Variants in ZNF667 observed in about 807,000 individuals in gnomAD.
ZNF667 encodes myocardial ischemic preconditioning upregulated 1 ortholog.
A neutral mutation model predicts 31.8 loss-of-function variants in ZNF667; 13 were observed. The ratio of observed to expected loss-of-function variants is 0.41; its 90% CI spans 0.27 to 0.65. The LOEUF is 0.65. Among genes scored for constraint, ZNF667 ranks in the 30% least tolerant of loss-of-function variants. ZNF667 has a pLI of 0.32. For synonymous variants in ZNF667, 228 were observed against 247.1 expected, an observed-to-expected ratio of 0.92 and a Z score of 0.73; for missense variants, 642 against 725.6, an observed-to-expected ratio of 0.88 and a Z score of 1.32.
At chr19:56,443,590 A>G (rs2042662863) in intron 6 of ZNF667, among the ~76,000 whole-genome samples, 2 of 152,200 alleles carry the variant, frequency 1.3e-5, no homozygotes, top group Non-Finnish European at 2.9e-5. Context: ...ATAAATGTAG[A>G]AAAGGTACAG....
chr19:56,467,575 A>G (rs1216982021), intron 3 of ZNF667: 2 of 152,288 alleles, frequency 1.3e-5, no homozygotes, highest in Non-Finnish European at 2.9e-5. Context: ...TCAGCCCCCA[A>G]GACTGCCCCA....
At chr19:56,466,392 G>C (rs754639146) in intron 3 of ZNF667, among the ~76,000 whole-genome samples, 3 of 152,098 alleles carry the variant, frequency 2.0e-5, no homozygotes, top group African/African-American at 7.2e-5. Flanking sequence ...AGGATCCAGC[G>C]AACAGTCATT....
chr19:56,463,949 T>C (rs1482524427), intron 3 of ZNF667, among the ~76,000 whole-genome samples: 2 of 152,182 alleles, frequency 1.3e-5, no homozygotes, highest in Non-Finnish European at 2.9e-5. Flanking sequence ...CTCAATTTGG[T>C]TACCGTAAAA....
intron 4 of ZNF667, among the ~76,000 whole-genome samples, chr19:56,461,510 T>A (rs2043044367): frequency 6.6e-6 from 1 of 152,152 alleles, no homozygotes; most frequent in African/African-American, 2.4e-5. Context: ...GAGCCCCAAA[T>A]GAGAACACAG....
At chr19:56,477,222 C>G (rs1188569178) in intron 1 of ZNF667, 50 bp downstream of exon 1, 2 of 152,136 alleles carry the variant, frequency 1.3e-5, no homozygotes, top group East Asian at 1.9e-4. Context: ...CAGTGGCGGG[C>G]GCGCCGCCCA....
In ZNF667 at chr19:56,441,298, C is replaced by T. The variant is rs1431287202; in HGVS notation, c.1697G>A (p.Ser566Asn). The change falls in exon 7 of 7, where the codon AGT (serine) becomes AAT (asparagine). Residue 566 changes from serine to asparagine, a missense_variant. Physicochemically the swap from Ser to Asn is conservative, Grantham distance 46. Transcript: ENST00000504904. The surrounding 1 kb of genome is among the most constrained non-coding windows in gnomAD (Gnocchi z 4.2). ...CTGATGTCGAATAAGGTCTGAGCCA[C>T]TGCTAAATGCCTTCCCACATTCATT... ...ECNECGKAFS[S>N]GSDLIRHQRS... 3.1e-6 allele frequency: 5 copies of T among 1,614,212 alleles called. No individual in the cohort carries two copies.
intron 3 of ZNF667, among the ~76,000 whole-genome samples, chr19:56,469,756 C>T (rs2043247012): frequency 6.6e-6 from 1 of 152,218 alleles, no homozygotes; most frequent in African/African-American, 2.4e-5. Context: ...TGCTTACTGT[C>T]AACCGTCCTG....
intron 6 of ZNF667, among the ~76,000 whole-genome samples, chr19:56,451,660 A>G (rs1431156581): frequency 2.0e-5 from 3 of 152,002 alleles, no homozygotes; most frequent in Non-Finnish European, 4.4e-5. Context: ...CTTGAGCTCA[A>G]TAGTCCAAGA....
Position 56,460,776 on chromosome 19 carries a change from G to A in ZNF667, c.73C>T (p.Gln25Ter), listed in dbSNP as rs140213738. ...TFGDLAIYFS[Q>*]EEWEWLSPIQ... ...GGGCTCAGCCATTCCCACTCCTCCT[G>A]GGAGAAGTAGATGGCTAAGTCCCCA... Residue 25 changes from glutamine (Q) to a stop codon, truncating the protein, a stop_gained, in exon 5 of 7, where the codon CAG becomes TAG. Transcript: ENST00000504904. LOFTEE classifies it high-confidence loss of function. 2 of 1,610,444 alleles carry A rather than the reference G, an allele frequency of 1.2e-6. No individual in the cohort carries two copies. Among genetic ancestry groups the A allele is most frequent in the African/African-American group, 1.3e-5 (1 of 74,732 alleles).
Position 56,439,553 on chromosome 19 carries a change from A to C in ZNF667, c.*1609T>G, listed in dbSNP as rs966429692. 6.6e-6 allele frequency: 1 copy of C among 152,364 alleles called. No homozygotes were observed. Among genetic ancestry groups the C allele is most frequent in the South Asian group, 2.1e-4 (1 of 4,828 alleles). The allele number at this position is 152,364 out of a possible 1,614,324, so 9.4% of individuals were successfully genotyped here. A position where few individuals can be genotyped will look rare whatever the true frequency, so the allele number is the denominator to read the frequency against. On this transcript the variant is annotated 3_prime_UTR_variant, in exon 7 of 7. Coordinates refer to ENST00000504904, the MANE Select transcript of ZNF667 (RefSeq NM_001321356.2). ...CACAGTTCTGAAGTCTGGAAGTCTGAGAACAGGTCGCCAGCATGGTTAGGT... is the reference window on the plus strand; with the variant it reads ...CACAGTTCTGAAGTCTGGAAGTCTGCGAACAGGTCGCCAGCATGGTTAGGT...
In ZNF667 at chr19:56,440,412, C is replaced by T. The variant is rs1568827857; in HGVS notation, c.*750G>A. ...AGTGACAACTTTATCTACCTAAAGA[C>T]TCACTTTTCTTTATTCTCACCCACA... On this transcript the variant is annotated 3_prime_UTR_variant, in exon 7 of 7. Coordinates refer to ENST00000504904, the MANE Select transcript of ZNF667 (RefSeq NM_001321356.2). The T allele has an allele frequency of 5.8e-6, 1 of 172,380 alleles. No individual in the cohort carries two copies. The highest frequency in any genetic ancestry group is 1.2e-5 in the Non-Finnish European group (1 of 86,634). 10.7% of individuals were successfully genotyped at this position (172,380 alleles called of 1,614,324 possible).
chr19:56,441,042 T>A lies in ZNF667; in HGVS notation c.*120A>T. 6.8e-7 allele frequency: 1 copy of A among 1,465,018 alleles called. No homozygotes were observed. The highest frequency in any genetic ancestry group is 1.5e-5 in the South Asian group (1 of 66,274). The allele number at this position is 1,465,018 out of a possible 1,614,324, so 90.8% of individuals were successfully genotyped here. ...TCACCAATGACTTTTGCTCTTTGGC[T>A]TTCAAAGTGGGACATATCATCAAAT... On this transcript the variant is annotated 3_prime_UTR_variant, in exon 7 of 7. Coordinates refer to ENST00000504904, the MANE Select transcript of ZNF667 (RefSeq NM_001321356.2). This position sits in a 1 kb window ranked among gnomAD's most constrained non-coding sequence, Gnocchi z 4.2.
At chr19:56,469,078 A>G (rs1315839012) in intron 3 of ZNF667, 1 of 152,166 alleles carries the variant, frequency 6.6e-6, no homozygotes, top group African/African-American at 2.4e-5. Flanking sequence ...TTTGTCAGTG[A>G]CCTGGTGCTG....
chr19:56,450,948 C>T (rs1443759106), intron 6 of ZNF667, among the ~76,000 whole-genome samples: 3 of 151,984 alleles, frequency 2.0e-5, no homozygotes, highest in African/African-American at 7.2e-5. Flanking sequence ...CACAAAACAA[C>T]CAAAACAAAT....
intron 4 of ZNF667, 110 bp downstream of exon 4, chr19:56,462,228 T>C (rs955325324): frequency 1.1e-5 from 15 of 1,361,532 alleles, no homozygotes; most frequent in Admixed American, 3.4e-5. Flanking sequence ...AAAGACTAGG[T>C]GTTGGATGGA....
chr19:56,460,522 T>C (rs2043023041), intron 5 of ZNF667, among the ~76,000 whole-genome samples, 167 bp downstream of exon 5: 1 of 152,176 alleles, frequency 6.6e-6, no homozygotes, highest in Non-Finnish European at 1.5e-5. Flanking sequence ...ATAAAAACCA[T>C]TTAATTGTGT....
chr19:56,443,954 T>G (rs2042670016), intron 6 of ZNF667, among the ~76,000 whole-genome samples: 1 of 152,166 alleles, frequency 6.6e-6, no homozygotes, highest in Non-Finnish European at 1.5e-5. Flanking sequence ...CACCTGTAGC[T>G]ACTGAGGAAT....
intron 1 of ZNF667, chr19:56,475,169 C>A (rs35698251): frequency 2.0e-5 from 3 of 151,982 alleles, no homozygotes; most frequent in Non-Finnish European, 2.9e-5. Context: ...AAGTACCTAT[C>A]AGCACCTATT....
rs955279978 is a variant in ZNF667 at position 56,477,259 on chromosome 19, C to T, written c.-662+13G>A. On this transcript the variant is annotated intron_variant, in intron 1 of 6. Transcript: ENST00000504904. ...GCCCTCAGACACACCCACACTCTCG[C>T]CAGCCCCCTTACCTCGGTCTTCCCG... 6.6e-6 allele frequency: 1 copy of T among 152,146 alleles called. No individual in the cohort carries two copies. Among genetic ancestry groups the T allele is most frequent in the African/African-American group, 2.4e-5 (1 of 41,446 alleles). 9.4% of individuals were successfully genotyped at this position (152,146 alleles called of 1,614,324 possible). A position where few individuals can be genotyped will look rare whatever the true frequency, so the allele number is the denominator to read the frequency against.
Sources: gnomAD v4.1 joint callset for allele counts (sites outside exome capture counted in the v4.1 genomes callset) on GRCh38, gnomAD v4.1.1 for gene constraint, Gnocchi (gnomAD v3.1) non-coding constraint, MANE v1.5 for transcripts, NCBI Gene and HGNC (gene_info 2026-07-23, HGNC 2026-07-21) for gene names.